The following POLA1 variants were observed in gnomAD, a reference collection of about 807,000 sequenced individuals.
POLA1 encodes DNA polymerase alpha 1, catalytic subunit, also known as DNA polymerase alpha catalytic subunit.
A neutral mutation model predicts 124.0 loss-of-function variants in POLA1; 15 were observed. The ratio of observed to expected loss-of-function variants is 0.12; its 90% CI spans 0.08 to 0.19. The LOEUF is 0.19. POLA1 is among the 10% of genes least tolerant of loss of function. The probability of loss-of-function intolerance (pLI) is 1.00; values close to 1 mark genes in which losing one functional copy is unlikely to be tolerated. For missense variants in POLA1, 886 were observed against 1,103.4 expected, an observed-to-expected ratio of 0.80 and a Z score of 2.79; for synonymous variants, 408 against 389.4, an observed-to-expected ratio of 1.05 and a Z score of -0.56.
At chrX:24,862,176 A>G (rs748548409) in intron 34 of POLA1, among the ~76,000 whole-genome samples, 8 of 112,242 alleles carry the variant, frequency 7.1e-5, no homozygotes, top group African/African-American at 2.6e-4. Flanking sequence ...AGTATAAAAT[A>G]CAGTTTCACC....
intron 36 of POLA1, among the ~76,000 whole-genome samples, chrX:24,931,830 C>T (rs144875834): frequency 0.016 from 1,738 of 112,008 alleles, 20 homozygotes; most frequent in Non-Finnish European, 0.026. Flanking sequence ...ATTATCTGAA[C>T]GCATTATCTG....
intron 36 of POLA1, among the ~76,000 whole-genome samples, chrX:24,951,170 C>T (rs2048034315): frequency 2.0e-5 from 2 of 101,783 alleles, no homozygotes; most frequent in South Asian, 9.8e-4. Context: ...AAACAGGTCC[C>T]CACCCCACCC....
chrX:24,733,832 T>A lies in POLA1; in HGVS notation c.1833+16T>A. 1 of 946,886 alleles carries A rather than the reference T, an allele frequency of 1.1e-6. No individual in the cohort carries two copies. The highest frequency in any genetic ancestry group is 1.5e-6 in the Non-Finnish European group (1 of 667,388). 78.0% of individuals were successfully genotyped at this position (946,886 alleles called of 1,213,427 possible). ...TGAGAAAAAGGTAAAGTGCTCATTA[T>A]ATGAAGCACCTGTTTGTTTGGAGCG... On this transcript the variant is annotated intron_variant, in intron 17 of 36. Transcript: ENST00000379068.
chrX:24,991,417 C>G (rs1466503374), intron 36 of POLA1, among the ~76,000 whole-genome samples: 1 of 112,639 alleles, frequency 8.9e-6, no homozygotes, highest in Non-Finnish European at 1.9e-5. Flanking sequence ...GGGCACGACT[C>G]TTACCTTCTA....
At position 24,724,369 on chromosome X, in the gene POLA1, C is replaced by A; in HGVS notation, c.1235C>A (p.Thr412Asn). ...IDLNTGKETG[T>N]PISMKDVYEE... is the part of the protein sequence containing the mutation. ...CTAAATACGGGGAAAGAAACAGGAA[C>A]TCCAATTTCAATGAAGGATGTTTAT... The change falls in exon 12 of 37, where the codon ACT becomes AAT. Residue 412 changes from threonine (T) to asparagine (N), a missense_variant. Coordinates refer to ENST00000379068, the MANE Select transcript of POLA1 (RefSeq NM_001330360.2). 1 of 1,139,442 alleles carries A rather than the reference C, an allele frequency of 8.8e-7. No homozygotes were observed. The highest frequency in any genetic ancestry group is 1.2e-6 in the Non-Finnish European group (1 of 835,358). The allele number at this position is 1,139,442 out of a possible 1,213,427, so 93.9% of individuals were successfully genotyped here. A position where few individuals can be genotyped will look rare whatever the true frequency, so the allele number is the denominator to read the frequency against.
intron 35 of POLA1, among the ~76,000 whole-genome samples, chrX:24,905,699 A>C (rs1601855522): frequency 9.2e-6 from 1 of 108,626 alleles, no homozygotes; most frequent in South Asian, 4.1e-4. Flanking sequence ...AGTAGCTGGG[A>C]TTATAGGCAC....
At chrX:24,741,572 T>C in intron 21 of POLA1, 68 bp downstream of exon 21, 1 of 955,737 alleles carries the variant, frequency 1.0e-6, no homozygotes, top group Non-Finnish European at 1.5e-6. Context: ...GGGGTAGTTG[T>C]TATATGATAA....
chrX:24,778,910 C>A (rs747268565), intron 26 of POLA1, among the ~76,000 whole-genome samples: 45 of 111,451 alleles, frequency 4.0e-4, no homozygotes, highest in African/African-American at 1.4e-3. Flanking sequence ...TGGCACTCAG[C>A]ACATTGTAGG....
At chrX:24,849,080 T>G (rs1362434099) in intron 34 of POLA1, among the ~76,000 whole-genome samples, 2 of 113,383 alleles carry the variant, frequency 1.8e-5, no homozygotes, top group Non-Finnish European at 3.7e-5. Flanking sequence ...TCAAAAAGTT[T>G]AAGCACTTTT....
chrX:24,801,051 A>G (rs1454525289), intron 26 of POLA1, among the ~76,000 whole-genome samples: 1 of 112,469 alleles, frequency 8.9e-6, no homozygotes, highest in African/African-American at 3.2e-5. Flanking sequence ...GATTTAAAAC[A>G]AAATCAGTTT....
At chrX:24,895,281 G>T (rs1360016149) in intron 35 of POLA1, among the ~76,000 whole-genome samples, 6 of 112,055 alleles carry the variant, frequency 5.4e-5, no homozygotes, top group African/African-American at 1.6e-4. Flanking sequence ...AGAAATCCAG[G>T]TTTGGGCTAT....
chrX:24,858,587 A>G (rs1389451330), intron 34 of POLA1, among the ~76,000 whole-genome samples: 1 of 112,182 alleles, frequency 8.9e-6, no homozygotes, highest in Non-Finnish European at 1.9e-5. Context: ...GCATTTCTCA[A>G]TATTCCTTGT....
intron 35 of POLA1, among the ~76,000 whole-genome samples, chrX:24,896,811 A>G (rs1172239533): frequency 1.8e-5 from 2 of 112,623 alleles, no homozygotes; most frequent in Non-Finnish European, 3.7e-5. Context: ...AACAGTTATA[A>G]AATAGTACCC....
At chrX:24,735,558 G>A in intron 18 of POLA1, 70 bp downstream of exon 18, 2 of 624,782 alleles carry the variant, frequency 3.2e-6, no homozygotes, top group East Asian at 3.3e-5. Context: ...TGACTTTATT[G>A]GTGCTTTTGA....
intron 32 of POLA1, among the ~76,000 whole-genome samples, chrX:24,835,721 A>G (rs765994650): frequency 9.0e-6 from 1 of 111,189 alleles, no homozygotes; most frequent in African/African-American, 3.3e-5. Flanking sequence ...AGTTAGATCT[A>G]AAGATGTGAT....
intron 36 of POLA1, among the ~76,000 whole-genome samples, chrX:24,947,330 C>T (rs1345262218): frequency 1.2e-5 from 1 of 86,480 alleles, no homozygotes; most frequent in African/African-American, 4.3e-5. Context: ...TGCATTGGCG[C>T]AATCACGGCT....
At chrX:24,823,213 C>T (rs2046118004) in intron 31 of POLA1, among the ~76,000 whole-genome samples, 1 of 111,289 alleles carries the variant, frequency 9.0e-6, no homozygotes, top group African/African-American at 3.3e-5. Flanking sequence ...TTAACTTATT[C>T]TCCTTAACAT....
rs1005953142 is a variant in POLA1, at chrX:24,950,266, A to G, written c.4261+19717A>G. The stretch of plus-strand genomic sequence containing the variant: ...CACCGGAACTCTTTGCAATGGTAGA[A>G]GTGTTCTGTATCTGTGCTGTCCAGT... On this transcript the variant is annotated intron_variant, in intron 36 of 36. Transcript: ENST00000379068. 3.6e-5 allele frequency among the ~76,000 whole-genome samples: 4 copies of G among 112,183 alleles called. No homozygotes were observed. In the Admixed American group the frequency reaches 3.8e-4, roughly 11 times the overall value.
At chrX:24,900,931 G>A (rs1255982525) in intron 35 of POLA1, among the ~76,000 whole-genome samples, 1 of 111,210 alleles carries the variant, frequency 9.0e-6, no homozygotes, top group Admixed American at 9.6e-5. Flanking sequence ...GTGTGTCCTT[G>A]GAATGCCAAG....
Sources: allele counts gnomAD v4.1 joint callset (sites outside exome capture counted in the v4.1 genomes callset), GRCh38; gene constraint gnomAD v4.1.1; transcripts MANE v1.5; gene names NCBI Gene and HGNC (gene_info 2026-07-23, HGNC 2026-07-21).